Variants in USP36 observed in about 807,000 individuals in gnomAD.
USP36 encodes the protein ubiquitin carboxyl-terminal hydrolase 36.
USP36 carries 59 observed loss-of-function variants against 111.5 expected under a neutral mutation model. That is an observed-to-expected ratio of 0.53 (90% CI 0.43 to 0.66). The LOEUF (loss-of-function observed/expected upper bound fraction) is 0.66, where lower values mean the gene tolerates loss of function less well. Among genes scored for constraint, USP36 ranks in the 30% least tolerant of loss-of-function variants. USP36 has a pLI of 0.00. For missense variants in USP36, 1,488 were observed against 1,468.0 expected, an observed-to-expected ratio of 1.01 and a Z score of -0.22; for synonymous variants, 628 against 581.0, an observed-to-expected ratio of 1.08 and a Z score of -1.16.
At chr17:78,818,644 G>T (rs750939157) in intron 10 of USP36, 23 bp downstream of exon 10, 12 of 1,607,630 alleles carry the variant, frequency 7.5e-6, no homozygotes, top group African/African-American at 1.3e-5. Context: ...GGAGCTGCCT[G>T]GGATGGTGTC....
chr17:78,811,130 C>CAAAAAAAA (rs969048033), intron 13 of USP36, among the ~76,000 whole-genome samples: 14 of 28,334 alleles, frequency 4.9e-4, no homozygotes, highest in East Asian at 2.1e-3. Flanking sequence ...GACTCTGTCT[C>CAAAAAAAA]AAAAAAAAAA....
In USP36 at chr17:78,796,794, G is replaced by C. The variant is rs982739647; in HGVS notation, c.*1106C>G. ...CGACGACTCCGGGAGGAAATGACGG[G>C]GACAGACCCGATGAGGAAGGATGTT... On this transcript the variant is annotated 3_prime_UTR_variant, in exon 21 of 21. Transcript: ENST00000449938. 1 of 152,292 alleles carries C rather than the reference G, an allele frequency of 6.6e-6. No individual in the cohort carries two copies. The highest frequency in any genetic ancestry group is 1.9e-4 in the East Asian group (1 of 5,184). The allele number at this position is 152,292 out of a possible 1,614,324, so 9.4% of individuals were successfully genotyped here.
At chr17:78,827,381 G>C (rs781489776) in intron 5 of USP36, 34 bp from the exon 6 acceptor site, 2 of 1,582,082 alleles carry the variant, frequency 1.3e-6, no homozygotes, top group Admixed American at 1.7e-5. Context: ...GGAAGAGCTC[G>C]TGTCTTCTCA....
At chr17:78,840,869 C>G (rs1314447722), upstream of USP36, 3 of 152,306 alleles carry the variant, frequency 2.0e-5, no homozygotes, top group Non-Finnish European at 4.4e-5. Context: ...GGCGCCGCAC[C>G]CAGCGTTCGC....
Position 78,803,300 on chromosome 17 carries a change from A to T in USP36, c.2810+85T>A, listed in dbSNP as rs1487691110. ...CCACGCAAGCAGACTACGTTTCCAG[A>T]CCATACCTACTTGGGGGTAGATTCT... On this transcript the variant is annotated intron_variant, in intron 16 of 20. Coordinates refer to ENST00000449938, the MANE Select transcript of USP36 (RefSeq NM_001385174.1). This position sits in a 1 kb window ranked among gnomAD's most constrained non-coding sequence, Gnocchi z 4.6. 2.1e-6 allele frequency: 3 copies of T among 1,442,340 alleles called. No individual in the cohort carries two copies. Among genetic ancestry groups the T allele is most frequent in the Non-Finnish European group, 2.9e-6 (3 of 1,052,422 alleles). The allele number at this position is 1,442,340 out of a possible 1,614,324, so 89.3% of individuals were successfully genotyped here. A position where few individuals can be genotyped will look rare whatever the true frequency, so the allele number is the denominator to read the frequency against.
At position 78,798,717 on chromosome 17, in the gene USP36, T is replaced by C. The variant is rs888754196; in HGVS notation, c.3241-166A>G. Among the ~76,000 whole-genome samples, 4 of 152,128 alleles carry C rather than the reference T, an allele frequency of 2.6e-5. No individual in the cohort carries two copies. Among genetic ancestry groups the C allele is most frequent in the East Asian group, 1.9e-4 (1 of 5,182 alleles). On this transcript the variant is annotated intron_variant, in intron 19 of 20. Transcript: ENST00000449938. The surrounding 1 kb of genome is among the most constrained non-coding windows in gnomAD (Gnocchi z 5.1). ...TGCACGGCGACCTGCAGTCCCCCTA[T>C]TGACAAAGGGGCGGAAGCTGCGAGG...
chr17:78,819,848 TG>T (rs1184314244), intron 9 of USP36, 81 bp downstream of exon 9: 6 of 1,419,300 alleles, frequency 4.2e-6, no homozygotes, highest in Non-Finnish European at 5.9e-6. Context: ...TAAGGAAGAG[TG>T]GGTGGGCACA....
chr17:78,811,285 A>C (rs935275889), intron 13 of USP36, among the ~76,000 whole-genome samples: 4 of 152,184 alleles, frequency 2.6e-5, no homozygotes, highest in African/African-American at 9.7e-5. Context: ...ATACACACAA[A>C]GGTAACTTAG....
Position 78,807,524 on chromosome 17 carries a change from G to A in USP36, c.1520C>T (p.Pro507Leu). 6.2e-7 allele frequency: 1 copy of A among 1,613,816 alleles called. No homozygotes were observed. Among genetic ancestry groups the A allele is most frequent in the Middle Eastern group, 1.7e-4 (1 of 6,060 alleles). Residue 507 changes from proline (P) to leucine (L), a missense_variant, in exon 14 of 21, where the codon CCA becomes CTA. Around this residue, in one of 3 missense-constraint regions of USP36, gnomAD observed 1,073 missense variants for 994.1 expected, o/e 1.08. Coordinates refer to ENST00000449938, the MANE Select transcript of USP36 (RefSeq NM_001385174.1). ...GGAAGGGGACCCCGAGGGCAGCTTTGGAGGAATGCAGCCGTTCTGGGACTT... is the reference window on the plus strand; with the variant it reads ...GGAAGGGGACCCCGAGGGCAGCTTTAGAGGAATGCAGCCGTTCTGGGACTT... ...GLKSQNGCIP[P>L]KLPSGSPSPK...
At chr17:78,840,032 G>A (rs1401662252) in intron 1 of USP36, among the ~76,000 whole-genome samples, 1 of 152,224 alleles carries the variant, frequency 6.6e-6, no homozygotes, top group African/African-American at 2.4e-5. Context: ...CGGAAGCAGC[G>A]GCCTCCCGGG....
chr17:78,798,898 C>G lies in USP36; in HGVS notation c.3240+10G>C. ...TCCCTCAAGCCTGTGGTCAGCATCA[C>G]ACATCATACCTTCCCTCGGTCAAAC... is the stretch of plus-strand genomic sequence containing the variant. On this transcript the variant is annotated intron_variant, in intron 19 of 20. Transcript: ENST00000449938. The surrounding 1 kb of genome is among the most constrained non-coding windows in gnomAD (Gnocchi z 5.1). 6.2e-7 allele frequency: 1 copy of G among 1,613,962 alleles called. No homozygotes were observed.
chr17:78,803,681 C>T lies in USP36; in HGVS notation c.2514G>A (p.Ala838=), dbSNP rs759347781. 7.5e-6 allele frequency: 12 copies of T among 1,610,202 alleles called. No individual in the cohort carries two copies. The highest frequency in any genetic ancestry group is 1.8e-4 in the Middle Eastern group (1 of 5,446). Reference sequence around the variant, plus strand: ...TCCTCTTCCTCTTCCCGTGGGGAGCCGCAGTGGCCTCCCTGATGTGCTGTG... The same window carrying T: ...TCCTCTTCCTCTTCCCGTGGGGAGCTGCAGTGGCCTCCCTGATGTGCTGTG... The part of the protein sequence containing the change: ...RLPQHIREAT[A]APHGKRKRKK... Residue 838 remains alanine (A), a synonymous_variant, in exon 16 of 21, where the codon GCG becomes GCA. Coordinates refer to ENST00000449938, the MANE Select transcript of USP36 (RefSeq NM_001385174.1). The surrounding 1 kb of genome is among the most constrained non-coding windows in gnomAD (Gnocchi z 4.6).
chr17:78,806,034 G>C, intron 15 of USP36, 122 bp downstream of exon 15: 1 of 1,531,880 alleles, frequency 6.5e-7, no homozygotes, highest in Non-Finnish European at 8.8e-7. Flanking sequence ...TGTACCTCCT[G>C]GCTGCCCCAA....
At chr17:78,819,194 A>G (rs928475632) in intron 9 of USP36, 1 of 179,446 alleles carries the variant, frequency 5.6e-6, no homozygotes, top group Non-Finnish European at 1.2e-5. Flanking sequence ...AGAGGCGCGC[A>G]GCTTGGAGAG....
intron 14 of USP36, 29 bp from the exon 15 acceptor site, chr17:78,806,315 G>C (rs747404560): frequency 1.9e-6 from 3 of 1,612,616 alleles, no homozygotes; most frequent in Non-Finnish European, 2.5e-6. Flanking sequence ...ATAAAAACTT[G>C]GTGGTCTAAA....
Position 78,835,346 on chromosome 17 carries a change from T to C in USP36, c.409A>G (p.Ile137Val), listed in dbSNP as rs2068560144. Residue 137 changes from isoleucine (I) to valine (V), a missense_variant, in exon 4 of 21, where the codon ATC (isoleucine) becomes GTC (valine). Ile to Val is a conservative substitution (Grantham distance 29). This residue lies in a region of USP36 where 219 missense variants were observed against 209.5 expected (regional missense o/e 1.05). Transcript: ENST00000449938. ...GGTGGTGTGTAGGTCAAGCACTGGA[T>C]GGTGGCATTGAGAAAGCAGGTGTTG... Reference protein sequence around the residue: ...LGNTCFLNATIQCLTYTPPLA... With the variant: ...LGNTCFLNATVQCLTYTPPLA... 1 of 1,614,044 alleles carries C rather than the reference T, an allele frequency of 6.2e-7. No homozygotes were observed. The highest frequency in any genetic ancestry group is 1.3e-5 in the African/African-American group (1 of 74,912).
At chr17:78,808,917 G>A (rs1329581123) in intron 13 of USP36, among the ~76,000 whole-genome samples, 1 of 152,024 alleles carries the variant, frequency 6.6e-6, no homozygotes, top group African/African-American at 2.4e-5. Flanking sequence ...TTCTGGAAAT[G>A]GAATTACAAG....
chr17:78,802,216 ACG>A (rs2093766204), intron 17 of USP36, 106 bp downstream of exon 17: 1 of 980,222 alleles, frequency 1.0e-6, no homozygotes, highest in African/African-American at 2.2e-5. Flanking sequence ...CGCCCAGTGC[ACG>A]CCCATGCGGT....
intron 10 of USP36, among the ~76,000 whole-genome samples, 193 bp downstream of exon 10, chr17:78,818,474 C>G (rs2094239656): frequency 6.6e-6 from 1 of 152,260 alleles, no homozygotes; most frequent in Non-Finnish European, 1.5e-5. Context: ...CTTCCCCTCT[C>G]TGTGACTGTC....
Sources: gnomAD v4.1 joint callset for allele counts (sites outside exome capture counted in the v4.1 genomes callset) on GRCh38, gnomAD v4.1.1 for gene constraint, gnomAD v4.1.1 regional missense constraint, Gnocchi (gnomAD v3.1) non-coding constraint, MANE v1.5 for transcripts, NCBI Gene and HGNC (gene_info 2026-07-23, HGNC 2026-07-21) for gene names.